The following EMB variants were observed in gnomAD, a reference collection of about 807,000 sequenced individuals.
EMB encodes embigin homolog.
EMB carries 31 observed loss-of-function variants against 41.4 expected under a neutral mutation model. The ratio of observed to expected loss-of-function variants is 0.75; its 90% CI spans 0.56 to 1.01. The LOEUF (loss-of-function observed/expected upper bound fraction) is 1.01. Among genes scored for constraint, EMB ranks in the 50% least tolerant of loss-of-function variants. The pLI is 0.00. For synonymous variants in EMB, 137 were observed against 140.4 expected (o/e 0.98, Z 0.17); for missense variants, 379 against 388.3 (o/e 0.98, Z 0.20).
At chr5:50,411,745 G>A (rs1238579008) in intron 2 of EMB, 1 of 156,620 alleles carries the variant, frequency 6.4e-6, no homozygotes, top group African/African-American at 2.4e-5. Context: ...TCATGGGTGA[G>A]AATGGAATGC....
chr5:50,414,658 C>A (rs953131836), intron 2 of EMB, among the ~76,000 whole-genome samples: 1 of 151,610 alleles, frequency 6.6e-6, no homozygotes, highest in African/African-American at 2.4e-5. Context: ...GTGCAAAGTG[C>A]TTTGTGAGCA....
chr5:50,443,164 T>C (rs1745943743), upstream of EMB: 2 of 152,274 alleles, frequency 1.3e-5, no homozygotes, highest in East Asian at 1.9e-4. Flanking sequence ...GCCTTCCCTA[T>C]ATAACTTTTT....
intron 2 of EMB, among the ~76,000 whole-genome samples, chr5:50,415,619 C>G (rs972878624): frequency 1.3e-5 from 2 of 152,152 alleles, no homozygotes; most frequent in African/African-American, 2.4e-5. Flanking sequence ...ATCACTGCTA[C>G]AATTCCAACT....
chr5:50,410,517 C>T (rs1213419180), intron 4 of EMB, among the ~76,000 whole-genome samples: 1 of 152,106 alleles, frequency 6.6e-6, no homozygotes, highest in Non-Finnish European at 1.5e-5. Context: ...CATCAACCCA[C>T]ACTCTCAGAG....
At chr5:50,419,879 G>A (rs1745489541) in intron 2 of EMB, among the ~76,000 whole-genome samples, 2 of 152,176 alleles carry the variant, frequency 1.3e-5, no homozygotes, top group Non-Finnish European at 2.9e-5. Flanking sequence ...GTCCTTTGCA[G>A]GGACATGGAC....
At chr5:50,408,150 G>A (rs115948135) in intron 4 of EMB, among the ~76,000 whole-genome samples, 30 of 151,830 alleles carry the variant, frequency 2.0e-4, no homozygotes, top group Non-Finnish European at 3.7e-4. Flanking sequence ...GCTTTGACAG[G>A]CTTCACTACA....
chr5:50,396,289 C>CA lies in EMB; in HGVS notation c.*2983dup, dbSNP rs1283288627. ...TTTTCTAAGAATAAGCAGAAATTTA[C>CA]AAAATTTAATTTTTATTTATACATT... On this transcript the variant is annotated 3_prime_UTR_variant, in exon 9 of 9. Coordinates refer to ENST00000303221, the MANE Select transcript of EMB (RefSeq NM_198449.3). 6.6e-6 allele frequency: 1 copy of CA among 152,002 alleles called. No homozygotes were observed. Among genetic ancestry groups the CA allele is most frequent in the Non-Finnish European group, 1.5e-5 (1 of 68,006 alleles). 9.4% of individuals were successfully genotyped at this position (152,002 alleles called of 1,614,324 possible).
chr5:50,413,524 A>C (rs1418711626), intron 2 of EMB, among the ~76,000 whole-genome samples: 4 of 152,244 alleles, frequency 2.6e-5, no homozygotes, highest in African/African-American at 9.6e-5. Flanking sequence ...TAATCAACAA[A>C]ATCCAGATTC....
chr5:50,417,546 T>A (rs2111815287), intron 2 of EMB, among the ~76,000 whole-genome samples: 1 of 152,328 alleles, frequency 6.6e-6, no homozygotes, highest in South Asian at 2.1e-4. Context: ...ACACACGTGC[T>A]TCCTGAATCC....
intron 2 of EMB, among the ~76,000 whole-genome samples, chr5:50,419,536 TACACACACACATACAC>T (rs1745481905): frequency 7.0e-6 from 1 of 142,736 alleles, no homozygotes; most frequent in Non-Finnish European, 1.5e-5. Context: ...CCCCACTACA[TACACACACACATACAC>T]ACACACACAC....
At chr5:50,412,939 T>TA (rs201086499) in intron 2 of EMB, among the ~76,000 whole-genome samples, 3,831 of 136,718 alleles carry the variant, frequency 0.028, 80 homozygotes, top group Non-Finnish European at 0.041. Flanking sequence ...GATACTGGTG[T>TA]AAAAAAAAAA....
chr5:50,427,258 A>G (rs1243033704), intron 2 of EMB, among the ~76,000 whole-genome samples: 4 of 152,114 alleles, frequency 2.6e-5, no homozygotes, highest in African/African-American at 9.7e-5. Flanking sequence ...TTGTTTAGAG[A>G]TTCATCTCGA....
At chr5:50,402,925 GA>G (rs1161811025) in intron 6 of EMB, among the ~76,000 whole-genome samples, 1 of 117,074 alleles carries the variant, frequency 8.5e-6, no homozygotes, top group Non-Finnish European at 1.9e-5. Flanking sequence ...GGAAGAGAAA[GA>G]AAAAAGGCAT....
At position 50,411,478 on chromosome 5, in the gene EMB, CAA is replaced by C. The variant is rs1024701801; in HGVS notation, c.197-97_197-96del. ...ATTATTAACAGCAGTGTTTCATTGA[CAA>C]TTTCTTAATGTAACATTCATTTGAA... is the stretch of plus-strand genomic sequence containing the variant. On this transcript the variant is annotated intron_variant, in intron 2 of 8. Transcript: ENST00000303221. The C allele has an allele frequency of 1.8e-5, 14 of 795,828 alleles. No homozygotes were observed. In the South Asian group the frequency reaches 2.6e-4, roughly 15 times the overall value. 49.3% of individuals were successfully genotyped at this position (795,828 alleles called of 1,614,324 possible). A position where few individuals can be genotyped will look rare whatever the true frequency, so the allele number is the denominator to read the frequency against.
chr5:50,439,260 G>A (rs1219982849), intron 1 of EMB, among the ~76,000 whole-genome samples: 1 of 152,100 alleles, frequency 6.6e-6, no homozygotes, highest in East Asian at 1.9e-4. Context: ...ACCAGGGATA[G>A]AAGAATTGGA....
intron 2 of EMB, among the ~76,000 whole-genome samples, chr5:50,422,753 A>G (rs1356509425): frequency 6.6e-6 from 1 of 152,226 alleles, no homozygotes; most frequent in Admixed American, 6.5e-5. Context: ...CGCAACTTCT[A>G]TAAAAAGTAA....
rs1745135917 is a variant in EMB, at chr5:50,400,035, T to C, written c.912-122A>G. On this transcript the variant is annotated intron_variant, in intron 7 of 8. Transcript: ENST00000303221. Reference sequence around the variant, plus strand: ...TGTCAATACGGACAGAATTCTTTCTTCCTAAAAATGTTTTACTTACAATGT... The same window carrying C: ...TGTCAATACGGACAGAATTCTTTCTCCCTAAAAATGTTTTACTTACAATGT... 4.7e-6 allele frequency: 3 copies of C among 632,664 alleles called. No homozygotes were observed. In the South Asian group the frequency reaches 7.5e-5, roughly 16 times the overall value. 39.2% of individuals were successfully genotyped at this position (632,664 alleles called of 1,614,324 possible). A position where few individuals can be genotyped will look rare whatever the true frequency, so the allele number is the denominator to read the frequency against.
In EMB at chr5:50,428,669, C is replaced by T. The variant is rs1240119710; in HGVS notation, c.113-442G>A. 3 of 985,406 alleles carry T rather than the reference C, an allele frequency of 3.0e-6. No individual in the cohort carries two copies. The Admixed American group carries it at 1.8e-4, about 61-fold the overall frequency. The allele number at this position is 985,406 out of a possible 1,614,324, so 61.0% of individuals were successfully genotyped here. ...AAAAAAAAATAGATAGCACTGGGCA[C>T]CAGGGAACAGAGAAGATAAAATGGC... is the stretch of plus-strand genomic sequence containing the variant. On this transcript the variant is annotated intron_variant, in intron 1 of 8. Coordinates refer to ENST00000303221, the MANE Select transcript of EMB (RefSeq NM_198449.3).
intron 2 of EMB, among the ~76,000 whole-genome samples, chr5:50,414,787 C>T (rs146887158): frequency 0.015 from 2,284 of 152,206 alleles, 45 homozygotes; most frequent in African/African-American, 0.053. Flanking sequence ...TACCTTATTC[C>T]TTGCAGTTCC....
Sources: allele counts gnomAD v4.1 joint callset (sites outside exome capture counted in the v4.1 genomes callset), GRCh38; gene constraint gnomAD v4.1.1; transcripts MANE v1.5; gene names NCBI Gene and HGNC (gene_info 2026-07-23, HGNC 2026-07-21).